POLR3B: variants seen among roughly 807,000 people sequenced by gnomAD.
POLR3B encodes the protein RNA polymerase III subunit B.
In POLR3B, 96 loss-of-function variants were observed where a neutral mutation model predicts 147.4. The ratio of observed to expected loss-of-function variants is 0.65; its 90% CI spans 0.55 to 0.77. POLR3B has a LOEUF of 0.77. Ranked by LOEUF, POLR3B falls within the 30% of genes least tolerant of loss-of-function variation. POLR3B has a pLI of 0.00. For synonymous variants in POLR3B, 461 were observed against 485.9 expected, an observed-to-expected ratio of 0.95 and a Z score of 0.67; for missense variants, 1,036 against 1,413.5, an observed-to-expected ratio of 0.73 and a Z score of 4.28.
chr12:106,450,988 C>T (rs1053590545), intron 19 of POLR3B, among the ~76,000 whole-genome samples: 2 of 152,030 alleles, frequency 1.3e-5, no homozygotes, highest in African/African-American at 2.4e-5. Context: ...TATATTTATA[C>T]AATACTAAGC....
Position 106,394,634 on chromosome 12 carries a change from G to A in POLR3B, c.846+1481G>A, listed in dbSNP as rs144463746. 2.5e-3 allele frequency among the ~76,000 whole-genome samples: 375 copies of A among 152,306 alleles called. 1 individual carries two copies. Among genetic ancestry groups the A allele is most frequent in the Non-Finnish European group, 4.4e-3 (301 of 68,028 alleles). On this transcript the variant is annotated intron_variant, in intron 10 of 27. Coordinates refer to ENST00000228347, the MANE Select transcript of POLR3B (RefSeq NM_018082.6). Reference sequence around the variant, plus strand: ...CAAATAACCCTAGCATTGTAAAGCTGTTTGAGCAGAGCCCAAACAGTAGGT... The same window carrying A: ...CAAATAACCCTAGCATTGTAAAGCTATTTGAGCAGAGCCCAAACAGTAGGT...
At chr12:106,385,140 A>T (rs2036818491) in intron 9 of POLR3B, among the ~76,000 whole-genome samples, 1 of 152,126 alleles carries the variant, frequency 6.6e-6, no homozygotes, top group Non-Finnish European at 1.5e-5. Context: ...CTTTTAAAAG[A>T]AACACACAGA....
chr12:106,497,349 G>A (rs1250014007), intron 25 of POLR3B, among the ~76,000 whole-genome samples: 1 of 151,834 alleles, frequency 6.6e-6, no homozygotes, highest in African/African-American at 2.4e-5. Context: ...AACAATTGAG[G>A]AGTGCTGTTT....
intron 12 of POLR3B, among the ~76,000 whole-genome samples, chr12:106,418,549 A>G (rs1328498430): frequency 1.3e-5 from 2 of 152,238 alleles, no homozygotes; most frequent in Non-Finnish European, 2.9e-5. Flanking sequence ...CATTAAGCTA[A>G]TTGGTGAAAC....
chr12:106,509,686 G>A lies in POLR3B; in HGVS notation c.*137G>A, dbSNP rs1046422189. On this transcript the variant is annotated 3_prime_UTR_variant, in exon 28 of 28. Transcript: ENST00000228347. Reference sequence around the variant, plus strand: ...TCTCTAAAACAACCAAAAAAAAATGGAGAGGCTTTTTATATACTCTAAGAC... The same window carrying A: ...TCTCTAAAACAACCAAAAAAAAATGAAGAGGCTTTTTATATACTCTAAGAC... The A allele has an allele frequency of 5.0e-5, 39 of 783,630 alleles. No homozygotes were observed. In the Admixed American group the frequency reaches 5.8e-4, roughly 12 times the overall value. 48.5% of individuals were successfully genotyped at this position (783,630 alleles called of 1,614,324 possible). A position where few individuals can be genotyped will look rare whatever the true frequency, so the allele number is the denominator to read the frequency against.
intron 22 of POLR3B, among the ~76,000 whole-genome samples, chr12:106,462,483 G>A (rs1486025154): frequency 3.9e-5 from 6 of 152,062 alleles, no homozygotes; most frequent in South Asian, 2.1e-4. Flanking sequence ...CTCATGATCC[G>A]CCTGCCTTGA....
At chr12:106,508,745 T>G (rs188081678) in intron 27 of POLR3B, among the ~76,000 whole-genome samples, 23 of 152,356 alleles carry the variant, frequency 1.5e-4, no homozygotes, top group Non-Finnish European at 2.9e-4. Context: ...AGTGGGAACA[T>G]ATGTGCACAT....
intron 23 of POLR3B, among the ~76,000 whole-genome samples, chr12:106,494,897 C>T (rs559735235): frequency 3.9e-5 from 6 of 152,224 alleles, no homozygotes; most frequent in Admixed American, 3.9e-4. Flanking sequence ...ACCAGTATTA[C>T]CTAGGAAAAT....
intron 12 of POLR3B, among the ~76,000 whole-genome samples, chr12:106,422,241 A>G (rs1023744028): frequency 2.6e-5 from 4 of 151,990 alleles, no homozygotes; most frequent in African/African-American, 9.7e-5. Context: ...AATTCTCATG[A>G]GATCTGGTTG....
intron 10 of POLR3B, 98 bp from the exon 11 acceptor site, chr12:106,405,759 T>C: frequency 1.7e-6 from 2 of 1,145,364 alleles, no homozygotes; most frequent in Non-Finnish European, 1.3e-6. Flanking sequence ...ATAACCAGGG[T>C]CTTTATCTCT....
intron 12 of POLR3B, among the ~76,000 whole-genome samples, chr12:106,416,462 A>T (rs1593029157): frequency 6.6e-6 from 1 of 151,732 alleles, no homozygotes; most frequent in South Asian, 2.1e-4. Flanking sequence ...GGCTCTGGCC[A>T]TGTGCCTGCC....
intron 18 of POLR3B, among the ~76,000 whole-genome samples, chr12:106,438,159 G>A (rs953884476): frequency 6.6e-6 from 1 of 151,992 alleles, no homozygotes; most frequent in Non-Finnish European, 1.5e-5. Flanking sequence ...TTCTGTTCCT[G>A]TGTTAGTTTG....
At chr12:106,422,068 C>A (rs2037380641) in intron 12 of POLR3B, among the ~76,000 whole-genome samples, 1 of 152,164 alleles carries the variant, frequency 6.6e-6, no homozygotes, top group Non-Finnish European at 1.5e-5. Context: ...ACTTATCTAA[C>A]TTTTAATAGT....
intron 23 of POLR3B, among the ~76,000 whole-genome samples, chr12:106,471,254 A>G (rs1330724081): frequency 6.6e-6 from 1 of 152,200 alleles, no homozygotes; most frequent in African/African-American, 2.4e-5. Context: ...CTCCGTGGGC[A>G]TGAGACCAAC....
Position 106,464,658 on chromosome 12 carries a change from G to T in POLR3B, c.2713+1038G>T, listed in dbSNP as rs181993628. On this transcript the variant is annotated intron_variant, in intron 23 of 27. Coordinates refer to ENST00000228347, the MANE Select transcript of POLR3B (RefSeq NM_018082.6). Reference sequence around the variant, plus strand: ...ATTAACATTGACCATCTTTTTTTTTGATATATACTTAAGATGTATCACTTC... The same window carrying T: ...ATTAACATTGACCATCTTTTTTTTTTATATATACTTAAGATGTATCACTTC... 4.4e-3 allele frequency among the ~76,000 whole-genome samples: 675 copies of T among 151,810 alleles called. 3 individuals are homozygous for T. Among genetic ancestry groups the T allele is most frequent in the Non-Finnish European group, 6.2e-3 (420 of 67,904 alleles).
Position 106,390,510 on chromosome 12 carries a change from C to G in POLR3B, c.724-2521C>G, listed in dbSNP as rs560987895. ...AGTTTTGTTTGTTTAAAAATTAGAA[C>G]TGGTAATTTTTTTTAGGATTGCTAT... is the stretch of plus-strand genomic sequence containing the variant. On this transcript the variant is annotated intron_variant, in intron 9 of 27. Coordinates refer to ENST00000228347, the MANE Select transcript of POLR3B (RefSeq NM_018082.6). 1.3e-4 allele frequency among the ~76,000 whole-genome samples: 19 copies of G among 151,880 alleles called. 1 individual carries two copies. Among genetic ancestry groups the G allele is most frequent in the African/African-American group, 4.3e-4 (18 of 41,462 alleles).
intron 22 of POLR3B, among the ~76,000 whole-genome samples, chr12:106,461,107 T>A (rs1342677282): frequency 6.6e-6 from 1 of 152,064 alleles, no homozygotes; most frequent in Non-Finnish European, 1.5e-5. Context: ...ACTTTTTTTT[T>A]TTATTGAGAT....
intron 23 of POLR3B, among the ~76,000 whole-genome samples, chr12:106,469,584 G>T (rs1489169034): frequency 6.6e-6 from 1 of 152,188 alleles, no homozygotes; most frequent in Non-Finnish European, 1.5e-5. Context: ...GCAGCGGCTG[G>T]TACCGGTTGT....
chr12:106,484,282 T>G (rs985842988), intron 23 of POLR3B, among the ~76,000 whole-genome samples: 2 of 152,126 alleles, frequency 1.3e-5, no homozygotes, highest in African/African-American at 4.8e-5. Context: ...ACAAAGCATT[T>G]GTGTCTCACT....
Sources: gnomAD v4.1 joint callset for allele counts (sites outside exome capture counted in the v4.1 genomes callset) on GRCh38, gnomAD v4.1.1 for gene constraint, MANE v1.5 for transcripts, NCBI Gene and HGNC (gene_info 2026-07-23, HGNC 2026-07-21) for gene names.